ZNF536: variants seen among roughly 807,000 people sequenced by gnomAD.
The protein encoded by ZNF536 is zinc finger protein 536.
ZNF536 carries 13 observed loss-of-function variants against 84.5 expected under a neutral mutation model. The observed-to-expected ratio is 0.15, with a 90% CI of 0.10 to 0.24. The LOEUF is 0.24. ZNF536 is among the 10% of genes least tolerant of loss of function. ZNF536 has a pLI of 1.00. For synonymous variants in ZNF536, 811 were observed against 742.5 expected (o/e 1.09, Z -1.50); for missense variants, 1,536 against 1,747.5 (o/e 0.88, Z 2.16).
intron 2 of ZNF536, among the ~76,000 whole-genome samples, chr19:30,521,509 A>T (rs1363970838): frequency 1.3e-5 from 2 of 152,198 alleles, no homozygotes; most frequent in Non-Finnish European, 2.9e-5. Context: ...ATCTGTGATC[A>T]CAAGAAAAAC....
intron 2 of ZNF536, among the ~76,000 whole-genome samples, chr19:30,522,003 G>A (rs1167454626): frequency 2.0e-5 from 3 of 151,824 alleles, no homozygotes; most frequent in African/African-American, 4.8e-5. Context: ...TGCCCTTCAA[G>A]CAGCATGGGA....
chr19:30,548,379 T>G lies in ZNF536; in HGVS notation c.2760T>G (p.Ala920=). The G allele has an allele frequency of 6.2e-7, 1 of 1,613,982 alleles. No individual in the cohort carries two copies. The highest frequency in any genetic ancestry group is 1.3e-5 in the African/African-American group (1 of 74,968). The change falls in exon 4 of 5, where the codon GCT becomes GCG. Residue 920 remains alanine (A), a synonymous_variant. Transcript: ENST00000355537. ...NGVNFQGSLQ[A]FMDSFVLSSL... ...TGAATTTCCAAGGGTCCTTGCAAGC[T>G]TTCATGGACAGTTTTGTCCTCAGTT...
intron 2 of ZNF536, among the ~76,000 whole-genome samples, chr19:30,466,592 G>T (rs985953859): frequency 2.7e-5 from 4 of 150,704 alleles, no homozygotes; most frequent in Non-Finnish European, 5.9e-5. Context: ...GAAAGAGAGA[G>T]AGAGAGAGAG....
In ZNF536 at chr19:30,394,914, A is replaced by AC. The variant is rs2147392748; in HGVS notation, c.-3+22362dup. 1.3e-5 allele frequency among the ~76,000 whole-genome samples: 2 copies of AC among 152,030 alleles called. 1 individual carries two copies. Among genetic ancestry groups the AC allele is most frequent in the South Asian group, 4.2e-4 (2 of 4,804 alleles). ...ATGTGAAGGGTTGTTTAAGGGGTCA[A>AC]CCCCTTAACACTGGTTTTGGAGCAC... On this transcript the variant is annotated intron_variant, in intron 1 of 4. Transcript: ENST00000355537.
At chr19:30,383,775 TCTTTC>T (rs1340829570) in intron 1 of ZNF536, among the ~76,000 whole-genome samples, 6 of 76,036 alleles carry the variant, frequency 7.9e-5, no homozygotes, top group African/African-American at 2.0e-4. Context: ...TTCTTTCTTT[TCTTTC>T]TTTCTTTCTT....
intron 2 of ZNF536, among the ~76,000 whole-genome samples, chr19:30,450,927 T>A (rs1272343415): frequency 2.0e-5 from 3 of 152,220 alleles, no homozygotes; most frequent in East Asian, 1.9e-4. Context: ...GCACTTTTTT[T>A]AAAGCTCAGC....
intron 1 of ZNF536, among the ~76,000 whole-genome samples, chr19:30,268,066 T>TGCCTCCCTCCCTTTCTCTCCCCCG (rs1568546205): frequency 1.1e-5 from 1 of 93,804 alleles, no homozygotes; most frequent in East Asian, 3.6e-4. Flanking sequence ...TCTCTCCCCC[T>TGCCTCCCTCCCTTTCTCTCCCCCG]CTCATCCTTC....
At chr19:30,569,524 G>A (rs1334840091) in intron 1 of ZNF536, among the ~76,000 whole-genome samples, 1 of 149,594 alleles carries the variant, frequency 6.7e-6, no homozygotes, top group Non-Finnish European at 1.5e-5. Flanking sequence ...ACCTCCTCAG[G>A]GAGCTTGAGA....
intron 1 of ZNF536, among the ~76,000 whole-genome samples, chr19:30,229,239 T>G (rs1421040457): frequency 1.3e-5 from 2 of 152,174 alleles, no homozygotes; most frequent in Non-Finnish European, 2.9e-5. Context: ...ATCATTTATT[T>G]CTTTTGCTTG....
intron 1 of ZNF536, among the ~76,000 whole-genome samples, chr19:30,261,697 CAAA>C (rs56820609): frequency 0.19 from 18,919 of 99,994 alleles, 1,194 homozygotes; most frequent in African/African-American, 0.26. Context: ...GGACCTTGTC[CAAA>C]AAAAAAAAAA....
chr19:30,344,432 C>A (rs1446518973), intron 2 of ZNF536, among the ~76,000 whole-genome samples: 4 of 125,214 alleles, frequency 3.2e-5, no homozygotes, highest in Non-Finnish European at 4.9e-5. Flanking sequence ...AAGAGTGAAA[C>A]TCCATCTCAA....
intron 1 of ZNF536, among the ~76,000 whole-genome samples, chr19:30,410,359 T>G (rs968720891): frequency 6.6e-6 from 1 of 151,680 alleles, no homozygotes; most frequent in African/African-American, 2.4e-5. Flanking sequence ...CCAACTGATA[T>G]ATAAGATATA....
At chr19:30,696,784 C>A (rs1024204296) in intron 1 of ZNF536, among the ~76,000 whole-genome samples, 20 of 152,136 alleles carry the variant, frequency 1.3e-4, no homozygotes, top group Admixed American at 3.3e-4. Context: ...AGACTCTGCA[C>A]CACCAGCCAG....
intron 2 of ZNF536, among the ~76,000 whole-genome samples, chr19:30,334,321 G>A (rs2146441635): frequency 6.6e-6 from 1 of 152,288 alleles, no homozygotes; most frequent in South Asian, 2.1e-4. Flanking sequence ...CTTATTAGCT[G>A]AATACTCAGA....
chr19:30,595,010 G>A (rs1283736140), intron 1 of ZNF536, among the ~76,000 whole-genome samples: 1 of 152,106 alleles, frequency 6.6e-6, no homozygotes, highest in Non-Finnish European at 1.5e-5. Flanking sequence ...ATCCTGCTTG[G>A]GCAGGAGGGA....
intron 2 of ZNF536, among the ~76,000 whole-genome samples, chr19:30,350,175 A>G (rs565795169): frequency 6.6e-6 from 1 of 152,324 alleles, no homozygotes; most frequent in African/African-American, 2.4e-5. Context: ...CTCTCCTGCT[A>G]AATTATGTCT....
At position 30,443,710 on chromosome 19, in the gene ZNF536, C is replaced by A; in HGVS notation, c.148C>A (p.Leu50Ile). The change falls in exon 2 of 5, where the codon CTC (leucine) becomes ATC (isoleucine). Residue 50 changes from leucine to isoleucine, a missense_variant. This residue lies in a region of ZNF536 where 161 missense variants were observed against 178.5 expected (regional missense o/e 0.90). Transcript: ENST00000355537. ...TSQLSHAFPE[L>I]HPRPNPEEKP... ...CCAGCTCAGCCATGCCTTCCCCGAG[C>A]TCCATCCCCGGCCCAACCCCGAGGA... 1 of 1,613,720 alleles carries A rather than the reference C, an allele frequency of 6.2e-7. No homozygotes were observed. Among genetic ancestry groups the A allele is most frequent in the Non-Finnish European group, 8.5e-7 (1 of 1,179,880 alleles).
chr19:30,411,232 A>T (rs556302585), intron 1 of ZNF536, among the ~76,000 whole-genome samples: 3 of 152,334 alleles, frequency 2.0e-5, no homozygotes, highest in African/African-American at 7.2e-5. Context: ...CTTTCTAAAC[A>T]GGGTGCACCA....
intron 1 of ZNF536, among the ~76,000 whole-genome samples, chr19:30,413,552 G>T (rs565621632): frequency 2.0e-5 from 3 of 152,260 alleles, no homozygotes; most frequent in South Asian, 4.1e-4. Flanking sequence ...TGTTTGTAAA[G>T]AATTCATATT....
Sources: gnomAD v4.1 joint callset for allele counts (sites outside exome capture counted in the v4.1 genomes callset) on GRCh38, gnomAD v4.1.1 for gene constraint, gnomAD v4.1.1 regional missense constraint, MANE v1.5 for transcripts, NCBI Gene and HGNC (gene_info 2026-07-23, HGNC 2026-07-21) for gene names.